The following OLFML2A variants were observed in gnomAD, a reference collection of about 807,000 sequenced individuals.
OLFML2A encodes the protein olfactomedin like 2A, also known as olfactomedin-like protein 2A.
Under a neutral mutation model 60.9 loss-of-function variants are expected in OLFML2A, and 47 were observed. That is an observed-to-expected ratio of 0.77 (90% CI 0.61 to 0.98). The LOEUF (loss-of-function observed/expected upper bound fraction) is 0.98. OLFML2A is among the 50% of genes least tolerant of loss of function. The pLI is 0.00. For missense variants in OLFML2A, 922 were observed against 879.8 expected (o/e 1.05, Z -0.61); for synonymous variants, 372 against 375.0 (o/e 0.99, Z 0.09).
chr9:124,809,823 T>G lies in OLFML2A; in HGVS notation c.1370T>G (p.Met457Arg), dbSNP rs1841966971. ...ENFKQGRWSN[M>R]YKLPYNWIGT... Reference sequence around the variant, plus strand: ...TCGCCTGCAGGCCGCTGGAGTAACATGTACAAGCTACCCTACAACTGGATC... The same window carrying G: ...TCGCCTGCAGGCCGCTGGAGTAACAGGTACAAGCTACCCTACAACTGGATC... The change falls in exon 8 of 8, where the codon ATG becomes AGG. Residue 457 changes from methionine (M) to arginine (R), a missense_variant. Physicochemically the swap from Met to Arg is moderately conservative, Grantham distance 91. Transcript: ENST00000373580. 1 of 1,607,866 alleles carries G rather than the reference T, an allele frequency of 6.2e-7. No individual in the cohort carries two copies. The highest frequency in any genetic ancestry group is 1.3e-5 in the African/African-American group (1 of 74,908).
intron 7 of OLFML2A, 150 bp from the exon 8 acceptor site, chr9:124,809,658 A>G (rs1349191921): frequency 3.5e-6 from 3 of 854,046 alleles, no homozygotes; most frequent in African/African-American, 3.4e-5. Flanking sequence ...CGCTTGTGCC[A>G]TAATAAGATG....
In OLFML2A at chr9:124,810,491, C is replaced by G. The variant is rs1037565208; in HGVS notation, c.*79C>G. The G allele has an allele frequency of 2.1e-6, 3 of 1,404,146 alleles. No individual in the cohort carries two copies. Among genetic ancestry groups the G allele is most frequent in the African/African-American group, 2.9e-5 (2 of 69,668 alleles). 87.0% of individuals were successfully genotyped at this position (1,404,146 alleles called of 1,614,324 possible). On this transcript the variant is annotated 3_prime_UTR_variant, in exon 8 of 8. Transcript: ENST00000373580. ...AGCAGCTCCTGCAACTGACCCAGTCCGCAAATATTTATTGGGGGCCAGCCC... is the reference window on the plus strand; with the variant it reads ...AGCAGCTCCTGCAACTGACCCAGTCGGCAAATATTTATTGGGGGCCAGCCC...
intron 6 of OLFML2A, among the ~76,000 whole-genome samples, chr9:124,805,473 G>A: frequency 6.6e-6 from 1 of 152,124 alleles, no homozygotes; most frequent in East Asian, 1.9e-4. Flanking sequence ...TTAATGATGA[G>A]AGAAATTGCT....
chr9:124,809,908 C>T lies in OLFML2A; in HGVS notation c.1455C>T (p.Asn485=), dbSNP rs1841969357. The change falls in exon 8 of 8, where the codon AAC becomes AAT. Residue 485 remains asparagine, a synonymous_variant. Coordinates refer to ENST00000373580, the MANE Select transcript of OLFML2A (RefSeq NM_182487.4). ...AFYYNRAFTK[N]IIKYDLRQRF... is the part of the protein sequence containing the mutation. ...ACTACAACCGCGCCTTCACCAAGAA[C>T]ATCATCAAGTACGACCTACGGCAGC... is the stretch of plus-strand genomic sequence containing the variant. 8 of 1,614,224 alleles carry T rather than the reference C, an allele frequency of 5.0e-6. No individual in the cohort carries two copies. The highest frequency in any genetic ancestry group is 6.8e-6 in the Non-Finnish European group (8 of 1,180,034).
chr9:124,789,119 G>A (rs1021215275), intron 2 of OLFML2A, among the ~76,000 whole-genome samples: 1 of 152,060 alleles, frequency 6.6e-6, no homozygotes, highest in Non-Finnish European at 1.5e-5. Context: ...TTGTAGAGAT[G>A]GAGTCTTGCT....
At chr9:124,804,883 A>AT (rs1841859852) in intron 6 of OLFML2A, among the ~76,000 whole-genome samples, 1 of 151,678 alleles carries the variant, frequency 6.6e-6, no homozygotes, top group Non-Finnish European at 1.5e-5. Context: ...TAATTTTTGT[A>AT]TTTTTAGTAG....
At chr9:124,804,672 T>G (rs1015675224) in intron 6 of OLFML2A, among the ~76,000 whole-genome samples, 21 of 150,660 alleles carry the variant, frequency 1.4e-4, no homozygotes, top group African/African-American at 4.4e-4. Context: ...TGCAGTGAGC[T>G]GAGATTGTGC....
rs528254858 is a variant in OLFML2A at position 124,779,733 on chromosome 9, A to G, written c.90+2373A>G. On this transcript the variant is annotated intron_variant, in intron 1 of 7. Transcript: ENST00000373580. The surrounding 1 kb of genome is among the most constrained non-coding windows in gnomAD (Gnocchi z 4.1). ...CAAGTGATGGGTGAATTTACTCTGCATTCCTTAGCTGAGCCAGACTCCTGC... is the reference window on the plus strand; with the variant it reads ...CAAGTGATGGGTGAATTTACTCTGCGTTCCTTAGCTGAGCCAGACTCCTGC... 6.6e-6 allele frequency among the ~76,000 whole-genome samples: 1 copy of G among 152,168 alleles called. No individual in the cohort carries two copies. Among genetic ancestry groups the G allele is most frequent in the Admixed American group, 6.5e-5 (1 of 15,302 alleles).
intron 1 of OLFML2A, among the ~76,000 whole-genome samples, chr9:124,784,446 C>T (rs914939851): frequency 6.6e-6 from 1 of 152,098 alleles, no homozygotes; most frequent in Admixed American, 6.6e-5. Context: ...TCATGATCCA[C>T]CCGCCTCGGC....
chr9:124,781,792 C>CA (rs1262915024), intron 1 of OLFML2A, among the ~76,000 whole-genome samples: 975 of 92,506 alleles, frequency 0.011, 6 homozygotes, highest in African/African-American at 0.024. Flanking sequence ...AGAATCCGGC[C>CA]AAAAAAAAAA....
At chr9:124,788,289 G>A (rs1358446550) in intron 2 of OLFML2A, among the ~76,000 whole-genome samples, 4 of 139,740 alleles carry the variant, frequency 2.9e-5, no homozygotes, top group African/African-American at 5.4e-5. Context: ...ACGACAGAGC[G>A]AGACTCGGTC....
At chr9:124,784,020 G>A (rs577035817) in intron 1 of OLFML2A, among the ~76,000 whole-genome samples, 1 of 152,092 alleles carries the variant, frequency 6.6e-6, no homozygotes, top group Non-Finnish European at 1.5e-5. Flanking sequence ...AGGAGTTTCT[G>A]GGGAGGGTAT....
Position 124,777,400 on chromosome 9 carries a change from CGGGGCGCGAG to C in OLFML2A, c.90+48_90+57del. 8.2e-7 allele frequency: 1 copy of C among 1,226,708 alleles called. No individual in the cohort carries two copies. Among genetic ancestry groups the C allele is most frequent in the Non-Finnish European group, 1.0e-6 (1 of 983,442 alleles). The allele number at this position is 1,226,708 out of a possible 1,614,324, so 76.0% of individuals were successfully genotyped here. A position where few individuals can be genotyped will look rare whatever the true frequency, so the allele number is the denominator to read the frequency against. The stretch of plus-strand genomic sequence containing the variant: ...CGGACCCGCGCGGCTCGGCGGGTAG[CGGGGCGCGAG>C]GGGGCGCTGTGGCTGGGGTGCGGCC... On this transcript the variant is annotated intron_variant, in intron 1 of 7. Coordinates refer to ENST00000373580, the MANE Select transcript of OLFML2A (RefSeq NM_182487.4). The surrounding 1 kb of genome is among the most constrained non-coding windows in gnomAD (Gnocchi z 6.2).
At position 124,797,838 on chromosome 9, in the gene OLFML2A, C is replaced by T. The variant is rs529914329; in HGVS notation, c.463-1447C>T. ...CCTAGATAGCGGGAGGTTCACAGAGCGAGGGGCATTATGGTTCTAAGCAGT... is the reference window on the plus strand; with the variant it reads ...CCTAGATAGCGGGAGGTTCACAGAGTGAGGGGCATTATGGTTCTAAGCAGT... On this transcript the variant is annotated intron_variant, in intron 3 of 7. Coordinates refer to ENST00000373580, the MANE Select transcript of OLFML2A (RefSeq NM_182487.4). 5.3e-5 allele frequency among the ~76,000 whole-genome samples: 8 copies of T among 152,300 alleles called. No individual in the cohort carries two copies. In the South Asian group the frequency reaches 1.2e-3, roughly 24 times the overall value.
intron 1 of OLFML2A, among the ~76,000 whole-genome samples, 176 bp from the exon 2 acceptor site, chr9:124,786,793 CACACAG>C (rs1841481911): frequency 7.5e-6 from 1 of 132,652 alleles, no homozygotes; most frequent in Non-Finnish European, 1.6e-5. Context: ...CACACACACA[CACACAG>C]AGTTGTTATT....
chr9:124,806,622 T>C (rs1294514570), intron 6 of OLFML2A, among the ~76,000 whole-genome samples: 1 of 151,916 alleles, frequency 6.6e-6, no homozygotes, highest in Non-Finnish European at 1.5e-5. Flanking sequence ...TTATTTTTAT[T>C]TTATTTTTAT....
intron 1 of OLFML2A, among the ~76,000 whole-genome samples, chr9:124,784,940 C>CTTTT (rs1461676348): frequency 2.0e-5 from 1 of 50,052 alleles, no homozygotes; most frequent in African/African-American, 9.8e-5. Flanking sequence ...ATTCCTTTTA[C>CTTTT]TTGTTTTTTT....
chr9:124,797,424 C>T (rs997952453), intron 3 of OLFML2A, among the ~76,000 whole-genome samples: 3 of 152,172 alleles, frequency 2.0e-5, no homozygotes, highest in African/African-American at 7.2e-5. Flanking sequence ...TAGCTACTGG[C>T]CCAAAGTTAC....
chr9:124,783,212 C>A (rs1841395511), intron 1 of OLFML2A, among the ~76,000 whole-genome samples: 1 of 152,202 alleles, frequency 6.6e-6, no homozygotes, highest in Non-Finnish European at 1.5e-5. Context: ...TAGCTCACGC[C>A]TGTAATCCCA....
Sources: gnomAD v4.1 joint callset for allele counts (sites outside exome capture counted in the v4.1 genomes callset) on GRCh38, gnomAD v4.1.1 for gene constraint, Gnocchi (gnomAD v3.1) non-coding constraint, MANE v1.5 for transcripts, NCBI Gene and HGNC (gene_info 2026-07-23, HGNC 2026-07-21) for gene names.